Variants in MRTFB observed in about 807,000 individuals in gnomAD.
MRTFB encodes the protein myocardin-related transcription factor B.
A neutral mutation model predicts 104.2 loss-of-function variants in MRTFB; 29 were observed. The observed-to-expected ratio is 0.28, with a 90% CI of 0.21 to 0.38. The LOEUF is 0.38. Among genes scored for constraint, MRTFB ranks in the 10% least tolerant of loss-of-function variants. The probability of loss-of-function intolerance (pLI) is 1.00; values close to 1 mark genes in which losing one functional copy is unlikely to be tolerated. For missense variants in MRTFB, 1,270 were observed against 1,341.6 expected (o/e 0.95, Z 0.83); for synonymous variants, 535 against 519.5 (o/e 1.03, Z -0.41).
chr16:14,264,676 T>C lies in MRTFB; in HGVS notation c.*3232T>C, dbSNP rs2043885880. Reference sequence around the variant, plus strand: ...CTGTGATCCATGTAACTGACACTTTTTGGCTTTCAGTGCTGTTTAGAAACA... The same window carrying C: ...CTGTGATCCATGTAACTGACACTTTCTGGCTTTCAGTGCTGTTTAGAAACA... On this transcript the variant is annotated 3_prime_UTR_variant, in exon 17 of 17. Transcript: ENST00000571589. 1 of 152,228 alleles carries C rather than the reference T, an allele frequency of 6.6e-6. No homozygotes were observed. The highest frequency in any genetic ancestry group is 2.4e-5 in the African/African-American group (1 of 41,452). 9.4% of individuals were successfully genotyped at this position (152,228 alleles called of 1,614,324 possible).
chr16:14,212,130 T>G lies in MRTFB; in HGVS notation c.221-224T>G, dbSNP rs185080049. 3.5e-4 allele frequency among the ~76,000 whole-genome samples: 54 copies of G among 152,376 alleles called. No homozygotes were observed. In the East Asian group the frequency reaches 0.01, roughly 29 times the overall value. ...TGAACTGATATTTGCATTGTCATTT[T>G]GTATACAATCGTGTTTTAAATGTCT... On this transcript the variant is annotated intron_variant, in intron 4 of 16. Transcript: ENST00000571589.
chr16:14,255,243 A>C (rs1328970248), intron 15 of MRTFB, among the ~76,000 whole-genome samples: 1 of 152,262 alleles, frequency 6.6e-6, no homozygotes, highest in Non-Finnish European at 1.5e-5. Context: ...ATATTTGAAG[A>C]AACAATGGCT....
intron 3 of MRTFB, among the ~76,000 whole-genome samples, chr16:14,165,981 C>G (rs917447193): frequency 6.6e-6 from 1 of 152,178 alleles, no homozygotes; most frequent in Admixed American, 6.5e-5. Flanking sequence ...CCATATGTTT[C>G]TATTTCTCCT....
intron 3 of MRTFB, among the ~76,000 whole-genome samples, chr16:14,165,631 A>G (rs929702772): frequency 3.3e-5 from 5 of 152,092 alleles, no homozygotes; most frequent in African/African-American, 1.2e-4. Flanking sequence ...CTTCTTGGAC[A>G]TGTTCTCACT....
chr16:14,049,406 G>C, the MRTFB span, among the ~76,000 whole-genome samples: 1 of 152,162 alleles, frequency 6.6e-6, no homozygotes, highest in South Asian at 2.1e-4. Flanking sequence ...ATTCTAGCTG[G>C]ATATTGTTAC....
intron 2 of MRTFB, among the ~76,000 whole-genome samples, chr16:14,094,909 C>T (rs2035277193): frequency 6.6e-6 from 1 of 152,150 alleles, no homozygotes; most frequent in Non-Finnish European, 1.5e-5. Context: ...CTTTTTGTTA[C>T]AGCTTTATGC....
chr16:14,052,117 T>A, the MRTFB span, among the ~76,000 whole-genome samples: 1 of 151,658 alleles, frequency 6.6e-6, no homozygotes, highest in Non-Finnish European at 1.5e-5. Context: ...CTTTGTTTTG[T>A]TATGACCATT....
chr16:14,086,622 C>A (rs2034719428), intron 2 of MRTFB, among the ~76,000 whole-genome samples: 1 of 151,916 alleles, frequency 6.6e-6, no homozygotes, highest in Non-Finnish European at 1.5e-5. Flanking sequence ...CTAAAATAAC[C>A]AAATTTCTGG....
intron 3 of MRTFB, among the ~76,000 whole-genome samples, chr16:14,166,669 AC>A (rs1312963099): frequency 9.1e-6 from 1 of 109,828 alleles, no homozygotes; most frequent in Non-Finnish European, 1.9e-5. Context: ...CACCGCACCC[AC>A]CCCCGACAGC....
chr16:14,078,823 G>T (rs1171272616), intron 1 of MRTFB, among the ~76,000 whole-genome samples: 1 of 151,486 alleles, frequency 6.6e-6, no homozygotes, highest in East Asian at 1.9e-4. Flanking sequence ...TAATAAAATA[G>T]TATTTATTGA....
At chr16:14,015,862 C>G in the MRTFB span, 1 of 398,652 alleles carries the variant, frequency 2.5e-6, no homozygotes, top group Non-Finnish European at 4.4e-6. Context: ...CTGTACTTAC[C>G]TGTGCTTACA....
chr16:14,066,338 A>G (rs1305036714), upstream of MRTFB, among the ~76,000 whole-genome samples: 1 of 151,476 alleles, frequency 6.6e-6, no homozygotes, highest in Non-Finnish European at 1.5e-5. Context: ...CAGTCACGCG[A>G]TCTCGGCTCA....
chr16:14,127,118 G>A (rs2037151039), intron 2 of MRTFB, among the ~76,000 whole-genome samples: 1 of 152,148 alleles, frequency 6.6e-6, no homozygotes, highest in Admixed American at 6.5e-5. Context: ...AAGCTGGGAT[G>A]GTGCAGAATA....
chr16:14,105,868 G>A (rs575951302), intron 2 of MRTFB, among the ~76,000 whole-genome samples: 2 of 152,170 alleles, frequency 1.3e-5, no homozygotes, highest in Non-Finnish European at 2.9e-5. Context: ...AGAACAAAAA[G>A]CAAGTGATTG....
At chr16:14,023,385 C>G in the MRTFB span, among the ~76,000 whole-genome samples, 3 of 152,056 alleles carry the variant, frequency 2.0e-5, no homozygotes, top group Admixed American at 6.6e-5. Flanking sequence ...GTCGAGGCTG[C>G]AGTGAGCCAT....
At chr16:13,994,960 G>A in the MRTFB span, among the ~76,000 whole-genome samples, 3 of 152,104 alleles carry the variant, frequency 2.0e-5, no homozygotes, top group Non-Finnish European at 2.9e-5. Flanking sequence ...AAACCCAGAC[G>A]TGTTTGGAGA....
the MRTFB span, among the ~76,000 whole-genome samples, chr16:14,041,746 G>A: frequency 6.6e-6 from 1 of 151,882 alleles, no homozygotes; most frequent in East Asian, 1.9e-4. Context: ...GGCCAACATG[G>A]AGAAACCCCG....
the MRTFB span, among the ~76,000 whole-genome samples, chr16:14,023,675 G>GTATATATA: frequency 4.7e-3 from 676 of 145,112 alleles, 4 homozygotes; most frequent in African/African-American, 0.015. Flanking sequence ...GTGTGTGTGT[G>GTATATATA]TCTATATATA....
At chr16:14,174,430 C>T (rs1385422943) in intron 3 of MRTFB, among the ~76,000 whole-genome samples, 1 of 152,170 alleles carries the variant, frequency 6.6e-6, no homozygotes, top group African/African-American at 2.4e-5. Context: ...CGCTTGTAAT[C>T]CCAGCACTTT....
Sources: allele counts gnomAD v4.1 joint callset (sites outside exome capture counted in the v4.1 genomes callset), GRCh38; gene constraint gnomAD v4.1.1; transcripts MANE v1.5; gene names NCBI Gene and HGNC (gene_info 2026-07-23, HGNC 2026-07-21).